The following THBS4 variants were observed in gnomAD, a reference collection of about 807,000 sequenced individuals.
THBS4 encodes the protein thrombospondin-4.
Under a neutral mutation model 115.7 loss-of-function variants are expected in THBS4, and 90 were observed. The observed-to-expected ratio is 0.78, with a 90% confidence interval of 0.66 to 0.93. The LOEUF is 0.93. Among genes scored for constraint, THBS4 ranks in the 40% least tolerant of loss-of-function variants. THBS4 has a pLI of 0.00. For missense variants in THBS4, 1,087 were observed against 1,232.7 expected (o/e 0.88, Z 1.77); for synonymous variants, 460 against 479.3 (o/e 0.96, Z 0.53).
chr5:80,077,524 G>A (rs182022343), intron 16 of THBS4, among the ~76,000 whole-genome samples: 1 of 152,216 alleles, frequency 6.6e-6, no homozygotes, highest in Non-Finnish European at 1.5e-5. Flanking sequence ...GAGACAGCAG[G>A]GAGTGTTGGG....
intron 15 of THBS4, among the ~76,000 whole-genome samples, chr5:80,074,875 A>C (rs1743119058): frequency 6.6e-6 from 1 of 152,074 alleles, no homozygotes; most frequent in Admixed American, 6.6e-5. Context: ...ATCCTCCCAA[A>C]GTGTGCATCT....
intron 5 of THBS4, 71 bp from the exon 6 acceptor site, chr5:80,059,369 T>A (rs2434302): frequency 0.52 from 740,042 of 1,434,958 alleles, 191,724 homozygotes; most frequent in African/African-American, 0.63. Flanking sequence ...TAGCTCCACA[T>A]GGATTCTTTC....
intron 2 of THBS4, among the ~76,000 whole-genome samples, chr5:80,009,656 C>CAA (rs55638827): frequency 0.3 from 44,652 of 148,466 alleles, 6,688 homozygotes; most frequent in South Asian, 0.36. Context: ...AAGAAAAACT[C>CAA]AAAAAAAAAA....
chr5:80,035,919 T>C lies in THBS4; in HGVS notation c.88+294T>C, dbSNP rs939415129. On this transcript the variant is annotated intron_variant, in intron 1 of 21. Coordinates refer to ENST00000350881, the MANE Select transcript of THBS4 (RefSeq NM_003248.6). The surrounding 1 kb of genome is among the most constrained non-coding windows in gnomAD (Gnocchi z 4.6). ...GCCTTCAAAACTTGCTACACGGTCC[T>C]AGACCTCTTAACATGTTAGGCTCTG... The C allele has an allele frequency of 4.0e-6, 4 of 1,010,618 alleles. No homozygotes were observed. The highest frequency in any genetic ancestry group is 4.9e-6 in the Non-Finnish European group (4 of 817,934). 62.6% of individuals were successfully genotyped at this position (1,010,618 alleles called of 1,614,324 possible). A position where few individuals can be genotyped will look rare whatever the true frequency, so the allele number is the denominator to read the frequency against.
At chr5:80,002,172 T>G (rs1831912372) in intron 2 of THBS4, among the ~76,000 whole-genome samples, 1 of 152,194 alleles carries the variant, frequency 6.6e-6, no homozygotes, top group African/African-American at 2.4e-5. Flanking sequence ...CATCTAATAC[T>G]GGGGTTACAC....
At chr5:80,082,882 C>T (rs568683417) in intron 21 of THBS4, among the ~76,000 whole-genome samples, 198 bp from the exon 22 acceptor site, 2 of 152,364 alleles carry the variant, frequency 1.3e-5, no homozygotes, top group African/African-American at 2.4e-5. Flanking sequence ...ATTTTCTGCA[C>T]GGCCGGGAAG....
chr5:80,040,425 A>C, intron 2 of THBS4, 145 bp downstream of exon 2: 1 of 429,544 alleles, frequency 2.3e-6, no homozygotes, highest in Non-Finnish European at 4.0e-6. Flanking sequence ...AATTCTTCTT[A>C]CTGTACATTT....
chr5:79,994,129 G>A (rs997819174), intron 1 of THBS4, among the ~76,000 whole-genome samples: 1 of 152,156 alleles, frequency 6.6e-6, no homozygotes, highest in African/African-American at 2.4e-5. Flanking sequence ...CATTTATGGA[G>A]CAATTTCTAC....
chr5:79,994,676 T>C (rs985056717), intron 1 of THBS4, among the ~76,000 whole-genome samples: 2 of 152,146 alleles, frequency 1.3e-5, no homozygotes, highest in African/African-American at 4.8e-5. Context: ...CATGATGGTG[T>C]GTGCCTATAG....
chr5:79,996,728 G>T (rs1831801732), intron 1 of THBS4, among the ~76,000 whole-genome samples: 1 of 152,090 alleles, frequency 6.6e-6, no homozygotes, highest in South Asian at 2.1e-4. Flanking sequence ...GTATGAAAAA[G>T]AATTAAATGA....
At chr5:80,020,488 A>C (rs1832349070) in intron 2 of THBS4, among the ~76,000 whole-genome samples, 1 of 152,078 alleles carries the variant, frequency 6.6e-6, no homozygotes, top group Non-Finnish European at 1.5e-5. Context: ...AACAAAAAAC[A>C]AACAAACAAA....
intron 1 of THBS4, among the ~76,000 whole-genome samples, chr5:80,036,767 T>A (rs1288650322): frequency 3.3e-5 from 5 of 152,206 alleles, no homozygotes; most frequent in Non-Finnish European, 5.9e-5. Flanking sequence ...ACTTGGTGCC[T>A]GGGTTGATTT....
intron 8 of THBS4, among the ~76,000 whole-genome samples, chr5:80,063,104 C>T (rs979941309): frequency 3.9e-5 from 6 of 152,186 alleles, no homozygotes; most frequent in African/African-American, 4.8e-5. Context: ...CTTGAGGAAT[C>T]GCCACACTGT....
In THBS4 at chr5:80,082,496, C is replaced by A; in HGVS notation, c.2775C>A (p.Cys925Ter). 3 of 1,614,208 alleles carry A rather than the reference C, an allele frequency of 1.9e-6. No homozygotes were observed. Among genetic ancestry groups the A allele is most frequent in the Non-Finnish European group, 2.5e-6 (3 of 1,180,028 alleles). The change falls in exon 21 of 22, where the codon TGC becomes TGA. Residue 925 changes from cysteine (C) to a stop codon, truncating the protein, a stop_gained. Coordinates refer to ENST00000350881, the MANE Select transcript of THBS4 (RefSeq NM_003248.6). LOFTEE classifies it high-confidence loss of function. ...GTGGAGGCCGACTTGGCGTTTTCTG[C>A]TTCTCTCAAGAAAACATCATCTGGT... Reference protein sequence around the residue: ...TMRGGRLGVFCFSQENIIWSN... With the variant: ...TMRGGRLGVF
intron 2 of THBS4, among the ~76,000 whole-genome samples, chr5:80,028,603 C>T (rs763818641): frequency 3.9e-5 from 6 of 151,930 alleles, no homozygotes; most frequent in South Asian, 2.1e-4. Flanking sequence ...GGATTACAGA[C>T]GCCCACCACC....
intron 2 of THBS4, among the ~76,000 whole-genome samples, chr5:80,006,590 C>T (rs1832023825): frequency 6.6e-6 from 1 of 152,188 alleles, no homozygotes; most frequent in Admixed American, 6.5e-5. Context: ...TAGGCCTCTT[C>T]CCTTTGGTTG....
chr5:80,029,598 T>C (rs1832544921), intron 2 of THBS4, among the ~76,000 whole-genome samples: 1 of 152,194 alleles, frequency 6.6e-6, no homozygotes, highest in African/African-American at 2.4e-5. Flanking sequence ...TTCACACCTC[T>C]TTTCTTGCTT....
In THBS4 at chr5:80,010,652, A is replaced by G. The variant is rs564407591; in HGVS notation, n.177+12225A>G. Among the ~76,000 whole-genome samples the G allele has an allele frequency of 8.2e-4, 125 of 152,356 alleles. No individual in the cohort carries two copies. In the Middle Eastern group the frequency reaches 0.014, roughly 17 times the overall value. ...GAGATTAGTGTACAGGAAGTTCACT[A>G]TGGGGTGCTCCATGAATTATCACCC... On this transcript the variant is annotated intron_variant and non_coding_transcript_variant, in intron 2 of 3. Transcript: ENST00000510218.
chr5:80,052,032 G>A (rs531424113), intron 2 of THBS4, among the ~76,000 whole-genome samples: 1 of 152,336 alleles, frequency 6.6e-6, no homozygotes, highest in East Asian at 1.9e-4. Flanking sequence ...CTGAAATAAG[G>A]AGATAGTGAG....
Sources: allele counts gnomAD v4.1 joint callset (sites outside exome capture counted in the v4.1 genomes callset), GRCh38; gene constraint gnomAD v4.1.1; non-coding constraint Gnocchi (gnomAD v3.1); transcripts MANE v1.5; gene names NCBI Gene and HGNC (gene_info 2026-07-23, HGNC 2026-07-21).